The following DRAM1 variants were observed in gnomAD, a reference collection of about 807,000 sequenced individuals.
DRAM1 encodes DNA damage regulated autophagy modulator 1, also known as DNA damage-regulated autophagy modulator protein 1.
Under a neutral mutation model 28.5 loss-of-function variants are expected in DRAM1, and 25 were observed. The ratio of observed to expected loss-of-function variants is 0.88; its 90% confidence interval spans 0.64 to 1.23. DRAM1 has a LOEUF of 1.23. Among genes scored for constraint, DRAM1 ranks in the 50% most tolerant of loss-of-function variants. The pLI, the probability that DRAM1 is intolerant of heterozygous loss-of-function variation, is 0.00. For missense variants in DRAM1, 249 were observed against 299.2 expected (o/e 0.83, Z 1.24); for synonymous variants, 113 against 114.2 (o/e 0.99, Z 0.07).
At chr12:101,896,523 G>A (rs1306143936) in intron 1 of DRAM1, among the ~76,000 whole-genome samples, 2 of 152,014 alleles carry the variant, frequency 1.3e-5, no homozygotes, top group East Asian at 3.9e-4. Flanking sequence ...CAGCACTTTC[G>A]GAGGTTGAGG....
intron 3 of DRAM1, among the ~76,000 whole-genome samples, chr12:101,905,083 A>G (rs1444005609): frequency 6.6e-6 from 1 of 152,066 alleles, no homozygotes; most frequent in African/African-American, 2.4e-5. Flanking sequence ...TCACTTTTGT[A>G]GAGATGGGGT....
intron 4 of DRAM1, among the ~76,000 whole-genome samples, chr12:101,913,455 C>T (rs763056477): frequency 2.6e-5 from 4 of 152,060 alleles, no homozygotes; most frequent in East Asian, 3.9e-4. Context: ...CCTGTAATCC[C>T]AGCACTTTGG....
intron 1 of DRAM1, among the ~76,000 whole-genome samples, chr12:101,884,067 A>C (rs1872788003): frequency 6.6e-6 from 1 of 152,010 alleles, no homozygotes; most frequent in Non-Finnish European, 1.5e-5. Flanking sequence ...AAGGAAGGAC[A>C]AATAAAAGCT....
At chr12:101,880,047 G>A (rs890556719) in intron 1 of DRAM1, among the ~76,000 whole-genome samples, 1 of 150,970 alleles carries the variant, frequency 6.6e-6, no homozygotes, top group Admixed American at 6.6e-5. Flanking sequence ...TCTTTTGTTT[G>A]TTTGTTTGTT....
intron 5 of DRAM1, among the ~76,000 whole-genome samples, chr12:101,918,645 T>C (rs908687950): frequency 2.0e-5 from 3 of 152,222 alleles, no homozygotes; most frequent in African/African-American, 7.2e-5. Context: ...CCAGCACATT[T>C]ACTTACCCTT....
chr12:101,915,466 T>C (rs1874201910), intron 5 of DRAM1, among the ~76,000 whole-genome samples: 1 of 152,000 alleles, frequency 6.6e-6, no homozygotes, highest in South Asian at 2.1e-4. Context: ...CGGGGATAAC[T>C]GTGCAAGGGT....
chr12:101,897,780 A>G (rs1292903733), intron 1 of DRAM1, 83 bp from the exon 2 acceptor site: 4 of 966,908 alleles, frequency 4.1e-6, no homozygotes, highest in Non-Finnish European at 6.5e-6. Flanking sequence ...GAAACAGAAT[A>G]TAAAACTCGC....
chr12:101,890,804 G>T (rs1873092833), intron 1 of DRAM1, among the ~76,000 whole-genome samples: 1 of 146,006 alleles, frequency 6.8e-6, no homozygotes, highest in African/African-American at 2.6e-5. Context: ...AGGCTGGAGT[G>T]CAATGGCGTG....
intron 1 of DRAM1, among the ~76,000 whole-genome samples, chr12:101,884,205 T>G (rs61935795): frequency 0.085 from 12,942 of 151,756 alleles, 679 homozygotes; most frequent in Middle Eastern, 0.18. Flanking sequence ...ATGGGCAATA[T>G]GGTGCAACCC....
At chr12:101,888,350 C>G (rs1456074230) in intron 1 of DRAM1, among the ~76,000 whole-genome samples, 1 of 151,944 alleles carries the variant, frequency 6.6e-6, no homozygotes, top group African/African-American at 2.4e-5. Context: ...AGGCTGGTCT[C>G]GAACTCTTGA....
chr12:101,901,802 C>T (rs1190336731), intron 3 of DRAM1, among the ~76,000 whole-genome samples: 1 of 148,154 alleles, frequency 6.7e-6, no homozygotes, highest in Admixed American at 6.8e-5. Flanking sequence ...TTGTTTGAAC[C>T]TGGAAGGTGG....
chr12:101,895,186 GTTTTTTTT>G lies in DRAM1; in HGVS notation c.132-2654_132-2647del, dbSNP rs574722379. 7.4e-4 allele frequency among the ~76,000 whole-genome samples: 56 copies of G among 75,736 alleles called. 2 individuals are homozygous for G. Among genetic ancestry groups the G allele is most frequent in the African/African-American group, 2.2e-3 (40 of 18,080 alleles). 49.7% of individuals were successfully genotyped at this position (75,736 alleles called of 152,430 possible). On this transcript the variant is annotated intron_variant, in intron 1 of 6. Transcript: ENST00000258534. ...TAATGCTAAATTCGAAACCCTTCAG[GTTTTTTTT>G]TTTTTTTTTTTTTTTTTTTTTTACC... is the stretch of plus-strand genomic sequence containing the variant.
intron 1 of DRAM1, among the ~76,000 whole-genome samples, chr12:101,884,369 CAAAAAAAAA>C (rs777858309): frequency 1.3e-5 from 1 of 78,052 alleles, no homozygotes; most frequent in Non-Finnish European, 2.4e-5. Flanking sequence ...TACCCTGTCT[CAAAAAAAAA>C]AAAAAAAAAA....
intron 1 of DRAM1, 125 bp downstream of exon 1, chr12:101,878,045 G>A (rs1180296070): frequency 7.8e-7 from 1 of 1,285,792 alleles, no homozygotes; most frequent in Non-Finnish European, 1.0e-6. Context: ...AGAGGTGGGA[G>A]CAGGAGGAGA....
chr12:101,910,404 A>G (rs761178312), intron 4 of DRAM1, among the ~76,000 whole-genome samples: 5 of 152,232 alleles, frequency 3.3e-5, no homozygotes, highest in Middle Eastern at 3.4e-3. Flanking sequence ...CTAGATATCA[A>G]AGTCAGAGAG....
intron 1 of DRAM1, among the ~76,000 whole-genome samples, chr12:101,892,410 T>A (rs1404145736): frequency 5.7e-5 from 4 of 70,358 alleles, no homozygotes; most frequent in South Asian, 5.0e-4. Flanking sequence ...TAATTTTTTT[T>A]TTTTTTTTTT....
At chr12:101,898,264 C>T (rs1204792072) in intron 2 of DRAM1, among the ~76,000 whole-genome samples, 2 of 152,168 alleles carry the variant, frequency 1.3e-5, no homozygotes, top group African/African-American at 4.8e-5. Context: ...TTCAGTGATC[C>T]ACCTGCCTTG....
chr12:101,894,749 G>C (rs7975403), intron 1 of DRAM1, among the ~76,000 whole-genome samples: 78,021 of 151,868 alleles, frequency 0.51, 20,534 homozygotes, highest in East Asian at 0.63. Flanking sequence ...CCTTCATATC[G>C]CCACCTCCCT....
At chr12:101,891,795 C>A (rs1422440321) in intron 1 of DRAM1, among the ~76,000 whole-genome samples, 2 of 152,220 alleles carry the variant, frequency 1.3e-5, no homozygotes, top group African/African-American at 4.8e-5. Context: ...GCAGGGCCCA[C>A]TGCACTGCAG....
Sources: gnomAD v4.1 joint callset for allele counts (sites outside exome capture counted in the v4.1 genomes callset) on GRCh38, gnomAD v4.1.1 for gene constraint, MANE v1.5 for transcripts, NCBI Gene and HGNC (gene_info 2026-07-23, HGNC 2026-07-21) for gene names.